CATSPERT: variants seen among roughly 807,000 people sequenced by gnomAD.
CATSPERT encodes cation channel sperm-associated targeting subunit tau.
At chr2:201,617,338 T>C in the CATSPERT span, among the ~76,000 whole-genome samples, 7 of 152,172 alleles carry the variant, frequency 4.6e-5, no homozygotes, top group Non-Finnish European at 8.8e-5. Flanking sequence ...CAAAACATCA[T>C]GGTACTGGTA....
the CATSPERT span, chr2:201,494,739 G>A: frequency 7.3e-5 from 109 of 1,498,040 alleles, no homozygotes; most frequent in African/African-American, 2.3e-4. Flanking sequence ...GATCAAAACC[G>A]TTCTTGTTGA....
the CATSPERT span, among the ~76,000 whole-genome samples, chr2:201,561,346 T>C: frequency 6.6e-6 from 1 of 152,158 alleles, no homozygotes; most frequent in Admixed American, 6.5e-5. Context: ...ATCCTACATA[T>C]ACGACTTTTT....
At chr2:201,524,570 T>C in the CATSPERT span, among the ~76,000 whole-genome samples, 2 of 152,126 alleles carry the variant, frequency 1.3e-5, no homozygotes, top group Non-Finnish European at 2.9e-5. Context: ...CAATCAAGTC[T>C]ACACAACAAC....
chr2:201,561,598 T>C, the CATSPERT span, among the ~76,000 whole-genome samples: 1 of 152,118 alleles, frequency 6.6e-6, no homozygotes, highest in East Asian at 1.9e-4. Flanking sequence ...TAGGCTGGGC[T>C]TGGTGGCTCA....
the CATSPERT span, among the ~76,000 whole-genome samples, chr2:201,561,771 G>A: frequency 5.0e-4 from 76 of 152,084 alleles, no homozygotes; most frequent in Admixed American, 7.8e-4. Context: ...CTACTCGGGA[G>A]GCTGAGGCAA....
chr2:201,576,527 C>T, the CATSPERT span, among the ~76,000 whole-genome samples: 9 of 152,300 alleles, frequency 5.9e-5, no homozygotes, highest in South Asian at 1.9e-3. Context: ...TAGGCCAGTT[C>T]GTTAACCTTT....
the CATSPERT span, among the ~76,000 whole-genome samples, chr2:201,565,447 T>A: frequency 1.2e-3 from 184 of 152,228 alleles, no homozygotes; most frequent in Middle Eastern, 3.4e-3. Flanking sequence ...CACTCCAATC[T>A]GGGCCAAGCT....
At chr2:201,606,926 G>A in the CATSPERT span, among the ~76,000 whole-genome samples, 2 of 149,874 alleles carry the variant, frequency 1.3e-5, no homozygotes, top group African/African-American at 4.9e-5. Context: ...GACTTATGGA[G>A]AGCAGTTAAT....
the CATSPERT span, among the ~76,000 whole-genome samples, chr2:201,490,822 C>G: frequency 6.6e-6 from 1 of 152,166 alleles, no homozygotes; most frequent in Non-Finnish European, 1.5e-5. Flanking sequence ...CTCCCGGGTT[C>G]ATGCCATTCT....
At chr2:201,607,479 G>A in the CATSPERT span, among the ~76,000 whole-genome samples, 1 of 152,188 alleles carries the variant, frequency 6.6e-6, no homozygotes, top group East Asian at 1.9e-4. Context: ...TAGTGATACC[G>A]GCCCCCATCT....
At chr2:201,535,402 G>C in the CATSPERT span, 26 of 977,170 alleles carry the variant, frequency 2.7e-5, no homozygotes, top group Non-Finnish European at 2.9e-5. Context: ...GTCATTTTGA[G>C]AAAGTCTATT....
chr2:201,580,257 C>A, the CATSPERT span, among the ~76,000 whole-genome samples: 5 of 152,152 alleles, frequency 3.3e-5, no homozygotes, highest in Non-Finnish European at 7.3e-5. Context: ...ATGCTAAATT[C>A]GAGCTCTTGG....
At chr2:201,489,859 A>ATTT in the CATSPERT span, among the ~76,000 whole-genome samples, 2 of 142,874 alleles carry the variant, frequency 1.4e-5, no homozygotes, top group Admixed American at 7.0e-5. Flanking sequence ...TACTTTCCTA[A>ATTT]TTTTTTTTTT....
At chr2:201,545,592 GT>G in the CATSPERT span, 1 of 1,161,202 alleles carries the variant, frequency 8.6e-7, no homozygotes, top group African/African-American at 2.0e-5. Context: ...TACTTTTCGT[GT>G]TTTCAGATGC....
the CATSPERT span, among the ~76,000 whole-genome samples, chr2:201,591,239 G>A: frequency 6.6e-6 from 1 of 151,992 alleles, no homozygotes; most frequent in Non-Finnish European, 1.5e-5. Context: ...TATTAAATAG[G>A]GAATCCTTTC....
the CATSPERT span, among the ~76,000 whole-genome samples, chr2:201,488,797 CTG>C: frequency 6.6e-6 from 1 of 152,158 alleles, no homozygotes; most frequent in Non-Finnish European, 1.5e-5. Context: ...ACAAAAAAGA[CTG>C]TATAACGAGT....
At chr2:201,550,791 C>A in the CATSPERT span, 1 of 152,174 alleles carries the variant, frequency 6.6e-6, no homozygotes, top group African/African-American at 2.4e-5. Flanking sequence ...TTCATCTACA[C>A]CAATCACCCC....
the CATSPERT span, among the ~76,000 whole-genome samples, chr2:201,590,070 G>T: frequency 6.6e-5 from 10 of 151,974 alleles, no homozygotes; most frequent in Non-Finnish European, 1.3e-4. Context: ...GTGCCATGCT[G>T]GTGCACTGCA....
At chr2:201,612,581 G>GAAAA in the CATSPERT span, among the ~76,000 whole-genome samples, 1 of 111,250 alleles carries the variant, frequency 9.0e-6, no homozygotes. Context: ...CTCCATCTTG[G>GAAAA]AAAAAAAAAA....
Sources: gnomAD v4.1 joint callset for allele counts (sites outside exome capture counted in the v4.1 genomes callset) on GRCh38, gnomAD v4.1.1 for gene constraint, MANE v1.5 for transcripts, NCBI Gene and HGNC (gene_info 2026-07-23, HGNC 2026-07-21) for gene names.